SCN2A: variants seen among roughly 807,000 people sequenced by gnomAD.
The protein encoded by SCN2A is sodium channel protein type 2 subunit alpha.
In SCN2A, 20 loss-of-function variants were observed where a neutral mutation model predicts 188.7. That is an observed-to-expected ratio of 0.11 (90% CI 0.07 to 0.15). The LOEUF (loss-of-function observed/expected upper bound fraction) is 0.15. SCN2A is among the 10% of genes least tolerant of loss of function. The pLI is 1.00. For synonymous variants in SCN2A, 804 were observed against 833.1 expected (o/e 0.97, Z 0.60); for missense variants, 1,278 against 2,445.0 (o/e 0.52, Z 10.07).
intron 1 of SCN2A, 133 bp from the exon 2 acceptor site, chr2:165,295,640 A>C (rs1696465994): frequency 1.2e-6 from 1 of 822,852 alleles, no homozygotes; most frequent in African/African-American, 1.7e-5. Context: ...CTGAATACCA[A>C]ATACAGCTTT....
rs1433862850 is a variant in SCN2A at position 165,367,252 on chromosome 2, A to G, written c.3556A>G (p.Ile1186Val). The G allele has an allele frequency of 5.0e-6, 8 of 1,614,074 alleles. No individual in the cohort carries two copies. The highest frequency in any genetic ancestry group is 5.9e-6 in the Non-Finnish European group (7 of 1,180,032). Residue 1186 changes from isoleucine (I) to valine (V), a missense_variant, in exon 19 of 27, where the codon ATA becomes GTA. By Grantham distance (29) the Ile-to-Val change is conservative (BLOSUM62 3). Around this residue, in one of 17 missense-constraint regions of SCN2A, gnomAD observed 228 missense variants for 297.3 expected, o/e 0.77. Coordinates refer to ENST00000375437, the MANE Select transcript of SCN2A (RefSeq NM_001040142.2). Reference sequence around the variant, plus strand: ...GAAGTTCAAGTGTTGTCAGATAAGCATAGAAGAAGGCAAAGGGAAACTCTG... The same window carrying G: ...GAAGTTCAAGTGTTGTCAGATAAGCGTAGAAGAAGGCAAAGGGAAACTCTG... ...VRKFKCCQIS[I>V]EEGKGKLWWN...
chr2:165,320,683 C>G (rs900207614), intron 11 of SCN2A, among the ~76,000 whole-genome samples: 7 of 152,260 alleles, frequency 4.6e-5, no homozygotes, highest in African/African-American at 1.7e-4. Context: ...CTTGCACCCT[C>G]TGAAGCCATG....
rs76745350 is a variant in SCN2A at position 165,246,712 on chromosome 2, C to T, written c.-52+7072C>T. Among the ~76,000 whole-genome samples the T allele has an allele frequency of 9.3e-3, 1,417 of 152,158 alleles. 19 individuals carry two copies. The highest frequency in any genetic ancestry group is 0.032 in the African/African-American group (1,344 of 41,490). ...GTAACTGTCTGGCTAAATCTTCATCCTCATATTCAGTTCCCACCTTACTTC... is the reference window on the plus strand; with the variant it reads ...GTAACTGTCTGGCTAAATCTTCATCTTCATATTCAGTTCCCACCTTACTTC... On this transcript the variant is annotated intron_variant, in intron 1 of 26. Transcript: ENST00000375437.
intron 6 of SCN2A, among the ~76,000 whole-genome samples, chr2:165,309,796 G>T (rs1001812633): frequency 6.6e-6 from 1 of 152,124 alleles, no homozygotes; most frequent in East Asian, 1.9e-4. Context: ...AATCTTTTAA[G>T]CTGCAGATAA....
chr2:165,288,733 T>C (rs1440334239), intron 1 of SCN2A, among the ~76,000 whole-genome samples: 3 of 23,868 alleles, frequency 1.3e-4, no homozygotes, highest in Admixed American at 8.5e-4. Flanking sequence ...TACATATACA[T>C]GTGTGTGTGT....
intron 10 of SCN2A, 129 bp from the exon 11 acceptor site, chr2:165,315,342 A>G: frequency 6.9e-7 from 1 of 1,447,680 alleles, no homozygotes; most frequent in Non-Finnish European, 9.3e-7. Flanking sequence ...ACTGTTTTCT[A>G]AAACACAGAA....
At chr2:165,327,158 T>A in intron 13 of SCN2A, 174 bp downstream of exon 13, 3 of 626,076 alleles carry the variant, frequency 4.8e-6, no homozygotes, top group Non-Finnish European at 7.4e-6. Context: ...TCCACAGATT[T>A]TTTTTTTTTA....
intron 20 of SCN2A, chr2:165,372,550 G>T (rs1701094224): frequency 1.3e-5 from 2 of 150,806 alleles, no homozygotes; most frequent in South Asian, 4.4e-4. Context: ...TTTCTTTTTA[G>T]CTAAGACTTT....
chr2:165,317,271 A>G (rs928953758), intron 11 of SCN2A, among the ~76,000 whole-genome samples: 3 of 152,038 alleles, frequency 2.0e-5, no homozygotes, highest in Admixed American at 1.3e-4. Context: ...ATTAGTAGAA[A>G]CATTAATCAA....
At chr2:165,313,588 G>T (rs767656742) in intron 8 of SCN2A, 32 bp from the exon 9 acceptor site, 3 of 1,612,312 alleles carry the variant, frequency 1.9e-6, no homozygotes, top group Non-Finnish European at 8.5e-7. Flanking sequence ...TGCCGTTATT[G>T]ACTTCCTTTC....
At chr2:165,366,084 T>C (rs956761161) in intron 18 of SCN2A, among the ~76,000 whole-genome samples, 11 of 152,212 alleles carry the variant, frequency 7.2e-5, no homozygotes, top group East Asian at 1.9e-4. Context: ...TTTCTACATA[T>C]GTCTCTTATA....
intron 15 of SCN2A, among the ~76,000 whole-genome samples, chr2:165,343,287 G>T (rs890068475): frequency 6.6e-6 from 1 of 152,036 alleles, no homozygotes; most frequent in East Asian, 1.9e-4. Flanking sequence ...TTCCCTTTCT[G>T]CTTTCAATGT....
At chr2:165,303,714 T>C (rs1195203043) in intron 3 of SCN2A, among the ~76,000 whole-genome samples, 4 of 152,184 alleles carry the variant, frequency 2.6e-5, no homozygotes, top group Non-Finnish European at 5.9e-5. Context: ...TATTTAGAGA[T>C]ACCTATCAAA....
At chr2:165,340,316 A>G (rs1481166095) in intron 14 of SCN2A, among the ~76,000 whole-genome samples, 2 of 105,156 alleles carry the variant, frequency 1.9e-5, no homozygotes, top group Non-Finnish European at 4.3e-5. Flanking sequence ...TGAACAAAAA[A>G]GAAAAGTCTA....
At chr2:165,333,530 A>G (rs1698812886) in intron 14 of SCN2A, among the ~76,000 whole-genome samples, 2 of 151,974 alleles carry the variant, frequency 1.3e-5, no homozygotes, top group South Asian at 4.1e-4. Flanking sequence ...TGGAAATTAA[A>G]CAACTTGCTC....
At chr2:165,367,120 T>C (rs1700770764) in intron 18 of SCN2A, 97 bp from the exon 19 acceptor site, 2 of 1,148,254 alleles carry the variant, frequency 1.7e-6, no homozygotes, top group East Asian at 2.5e-5. Flanking sequence ...ATTTACAATG[T>C]ATTATCAGGT....
At position 165,372,993 on chromosome 2, in the gene SCN2A, C is replaced by T. The variant is rs186692411; in HGVS notation, c.3850-232C>T. The T allele has an allele frequency of 6.8e-3, 2,882 of 424,666 alleles. 24 individuals are homozygous for T. Among genetic ancestry groups the T allele is most frequent in the South Asian group, 0.016 (582 of 35,350 alleles). 26.3% of individuals were successfully genotyped at this position (424,666 alleles called of 1,614,324 possible). A position where few individuals can be genotyped will look rare whatever the true frequency, so the allele number is the denominator to read the frequency against. ...TATGGGCTTCTTTTTTATAAGTGTT[C>T]GCAGACTAGTATCATTAACTTCACC... On this transcript the variant is annotated intron_variant, in intron 20 of 26. Coordinates refer to ENST00000375437, the MANE Select transcript of SCN2A (RefSeq NM_001040142.2).
intron 10 of SCN2A, 136 bp from the exon 11 acceptor site, chr2:165,315,335 G>T (rs1178773440): frequency 4.3e-6 from 6 of 1,405,928 alleles, no homozygotes; most frequent in Non-Finnish European, 5.7e-6. Flanking sequence ...ACAATGTACT[G>T]TTTTCTAAAA....
At chr2:165,307,748 A>G in intron 3 of SCN2A, 100 bp from the exon 4 acceptor site, 1 of 826,718 alleles carries the variant, frequency 1.2e-6, no homozygotes, top group Non-Finnish European at 2.1e-6. Flanking sequence ...ACAAAATAAT[A>G]GTAAGCACTA....
Sources: allele counts gnomAD v4.1 joint callset (sites outside exome capture counted in the v4.1 genomes callset), GRCh38; gene constraint gnomAD v4.1.1; regional missense constraint gnomAD v4.1.1; transcripts MANE v1.5; gene names NCBI Gene and HGNC (gene_info 2026-07-23, HGNC 2026-07-21).